Variants in ABI3BP observed in about 807,000 individuals in gnomAD.
ABI3BP encodes ABI family member 3 binding protein.
A neutral mutation model predicts 268.6 loss-of-function variants in ABI3BP; 216 were observed. That is an observed-to-expected ratio of 0.80 (90% CI 0.72 to 0.90). ABI3BP has a LOEUF of 0.90. ABI3BP is among the 40% of genes least tolerant of loss of function. ABI3BP has a pLI of 0.00. For synonymous variants in ABI3BP, 730 were observed against 730.0 expected (o/e 1.00, Z 0.00); for missense variants, 2,090 against 2,182.4 (o/e 0.96, Z 0.84).
intron 1 of ABI3BP, among the ~76,000 whole-genome samples, chr3:100,927,504 GA>G (rs376150968): frequency 4.8e-4 from 68 of 141,552 alleles, no homozygotes; most frequent in African/African-American, 1.6e-3. Context: ...ATAAAGAAAA[GA>G]GGTTTAATTG....
chr3:100,802,599 A>G (rs1024345423), intron 51 of ABI3BP, among the ~76,000 whole-genome samples: 2 of 152,144 alleles, frequency 1.3e-5, no homozygotes, highest in East Asian at 3.8e-4. Context: ...GCCTCACCGG[A>G]TGAAGCTGGT....
At chr3:100,898,326 C>A (rs2048635915) in intron 4 of ABI3BP, among the ~76,000 whole-genome samples, 1 of 152,172 alleles carries the variant, frequency 6.6e-6, no homozygotes, top group Non-Finnish European at 1.5e-5. Context: ...TGAGAATTTA[C>A]CTTTTGACAA....
At chr3:100,837,573 T>C (rs2098618337) in intron 26 of ABI3BP, among the ~76,000 whole-genome samples, 1 of 152,074 alleles carries the variant, frequency 6.6e-6, no homozygotes, top group Admixed American at 6.6e-5. Context: ...CTGGCCAACA[T>C]GGTGAAACCC....
chr3:100,926,181 AC>A, intron 2 of ABI3BP, 120 bp downstream of exon 2: 1 of 987,984 alleles, frequency 1.0e-6, no homozygotes, highest in Non-Finnish European at 1.5e-6. Context: ...TTGTAATTCT[AC>A]CATTTGATTA....
At chr3:100,966,630 T>TA (rs2081404541) in intron 1 of ABI3BP, among the ~76,000 whole-genome samples, 1 of 152,256 alleles carries the variant, frequency 6.6e-6, no homozygotes, top group South Asian at 2.1e-4. Flanking sequence ...TATAGTTTCT[T>TA]ACTTCATTAA....
chr3:100,761,798 G>T (rs751608489), intron 63 of ABI3BP, among the ~76,000 whole-genome samples: 2 of 152,154 alleles, frequency 1.3e-5, no homozygotes, highest in African/African-American at 2.4e-5. Context: ...CCATGTCTGT[G>T]GGTAAAGTTT....
In ABI3BP at chr3:100,838,444, G is replaced by A. The variant is rs925643349; in HGVS notation, c.1966C>T (p.Pro656Ser). 2.9e-5 allele frequency: 45 copies of A among 1,535,584 alleles called. No individual in the cohort carries two copies. The highest frequency in any genetic ancestry group is 3.6e-5 in the Non-Finnish European group (41 of 1,146,668). The stretch of plus-strand genomic sequence containing the variant: ...GCATCTGGTCTGTGTGTGGTTTTAG[G>A]TCTCTCAGATGGTTTTGAGGCTAAA... ...PTTASKPSER[P>S]KTTHRPDAPQ... Residue 656 changes from proline (P) to serine (S), a missense_variant, in exon 25 of 68, where the codon CCT (proline) becomes TCT (serine). Pro to Ser is a moderately conservative substitution (Grantham distance 74). Transcript: ENST00000471714.
intron 53 of ABI3BP, 41 bp from the exon 54 acceptor site, chr3:100,795,044 C>G: frequency 7.9e-7 from 1 of 1,271,644 alleles, no homozygotes; most frequent in Non-Finnish European, 1.0e-6. Flanking sequence ...TTTTTAGATT[C>G]AAAGCCAGCA....
At chr3:100,946,215 G>T (rs189281213) in intron 1 of ABI3BP, among the ~76,000 whole-genome samples, 77 of 150,250 alleles carry the variant, frequency 5.1e-4, no homozygotes, top group Admixed American at 2.5e-3. Context: ...TACTAAAAAT[G>T]CAAAAATTAG....
At chr3:100,983,029 C>A (rs1407885189) in intron 1 of ABI3BP, among the ~76,000 whole-genome samples, 1 of 152,226 alleles carries the variant, frequency 6.6e-6, no homozygotes, top group Non-Finnish European at 1.5e-5. Context: ...CACATGCCCA[C>A]ACACACGTGC....
chr3:100,864,292 C>G, intron 11 of ABI3BP: 2 of 546,670 alleles, frequency 3.7e-6, no homozygotes, highest in South Asian at 5.3e-5. Context: ...AGATCAACAT[C>G]AAATTACAGA....
chr3:100,933,228 A>G (rs916288516), intron 1 of ABI3BP, among the ~76,000 whole-genome samples: 1 of 152,004 alleles, frequency 6.6e-6, no homozygotes, highest in African/African-American at 2.4e-5. Flanking sequence ...AGATTATTCT[A>G]AATAGCACAT....
chr3:100,925,464 G>A (rs2061528961), intron 2 of ABI3BP, among the ~76,000 whole-genome samples: 1 of 151,976 alleles, frequency 6.6e-6, no homozygotes, highest in South Asian at 2.1e-4. Context: ...GCAGGCTGGA[G>A]TGCAGTGATG....
Position 100,796,435 on chromosome 3 carries a change from T to G in ABI3BP, c.3791A>C (p.Tyr1264Ser). The change falls in exon 52 of 68, where the codon TAC becomes TCC. Residue 1264 changes from tyrosine (Y) to serine (S), a missense_variant. Physicochemically the swap from Tyr to Ser is moderately radical, Grantham distance 144 (BLOSUM62 -2). Transcript: ENST00000471714. ...PKDVLLPHKP[Y>S]PEVSQSEPVL... ...AGGTTCGCTCTGAGAGACCTCAGGGTATGGTTTATGAGGAAGGAGCACATC... is the reference window on the plus strand; with the variant it reads ...AGGTTCGCTCTGAGAGACCTCAGGGGATGGTTTATGAGGAAGGAGCACATC... 6.2e-7 allele frequency: 1 copy of G among 1,602,302 alleles called. No homozygotes were observed. Among genetic ancestry groups the G allele is most frequent in the East Asian group, 2.2e-5 (1 of 44,472 alleles).
At chr3:100,981,931 C>G (rs1226826236) in intron 1 of ABI3BP, among the ~76,000 whole-genome samples, 1 of 152,098 alleles carries the variant, frequency 6.6e-6, no homozygotes, top group South Asian at 2.1e-4. Flanking sequence ...ATGTATTAGT[C>G]CATTTTCACA....
At chr3:100,836,894 T>C (rs902193182) in intron 27 of ABI3BP, among the ~76,000 whole-genome samples, 1 of 152,200 alleles carries the variant, frequency 6.6e-6, no homozygotes. Flanking sequence ...GCAATCTGAA[T>C]GTCTCTGAAT....
chr3:100,925,235 C>G (rs1017388465), intron 2 of ABI3BP, among the ~76,000 whole-genome samples: 25 of 152,094 alleles, frequency 1.6e-4, no homozygotes, highest in Non-Finnish European at 2.9e-4. Flanking sequence ...CTTCAACATT[C>G]CCTGCATATT....
intron 18 of ABI3BP, 69 bp downstream of exon 18, chr3:100,848,729 CCTT>C (rs1384462462): frequency 4.7e-6 from 7 of 1,481,926 alleles, no homozygotes; most frequent in Non-Finnish European, 5.6e-6. Context: ...ACCTGGCTAT[CCTT>C]CTTACTATAA....
At chr3:100,811,378 T>G (rs1422030813) in intron 47 of ABI3BP, 101 bp from the exon 48 acceptor site, 10 of 902,024 alleles carry the variant, frequency 1.1e-5, no homozygotes, top group Admixed American at 4.9e-5. Flanking sequence ...ATCATAATTT[T>G]ACAGACAGGA....
Sources: allele counts gnomAD v4.1 joint callset (sites outside exome capture counted in the v4.1 genomes callset), GRCh38; gene constraint gnomAD v4.1.1; transcripts MANE v1.5; gene names NCBI Gene and HGNC (gene_info 2026-07-23, HGNC 2026-07-21).